NELFA: variants seen among roughly 807,000 people sequenced by gnomAD.
The protein encoded by NELFA is negative elongation factor A.
In NELFA, 35 loss-of-function variants were observed where a neutral mutation model predicts 51.8. The observed-to-expected ratio is 0.68, with a 90% CI of 0.52 to 0.90. NELFA has a LOEUF of 0.90. Among genes scored for constraint, NELFA ranks in the 40% least tolerant of loss-of-function variants. The probability of loss-of-function intolerance (pLI) is 0.00; values close to 1 mark genes in which losing one functional copy is unlikely to be tolerated. For missense variants in NELFA, 658 were observed against 746.4 expected (o/e 0.88, Z 1.38); for synonymous variants, 417 against 338.4 (o/e 1.23, Z -2.55).
In NELFA at chr4:1,984,116, G is replaced by C; in HGVS notation, c.1037-3C>G. ...GCTGGCTTCCCGGGAAGATGGGGCT[G>C]CAAGTAGACCGGGGCCTGGTGAGGG... On this transcript the variant is annotated splice_polypyrimidine_tract_variant and splice_region_variant and intron_variant, in intron 8 of 10. Coordinates refer to ENST00000382882, the MANE Select transcript of NELFA (RefSeq NM_005663.5). The C allele has an allele frequency of 6.4e-7, 1 of 1,553,840 alleles. No homozygotes were observed. Among genetic ancestry groups the C allele is most frequent in the South Asian group, 1.2e-5 (1 of 84,238 alleles).
Position 1,986,128 on chromosome 4 carries a change from C to T in NELFA, c.821G>A (p.Arg274Lys), listed in dbSNP as rs1287719361. The T allele has an allele frequency of 3.2e-6, 5 of 1,552,498 alleles. No individual in the cohort carries two copies. Among genetic ancestry groups the T allele is most frequent in the African/African-American group, 1.4e-5 (1 of 73,096 alleles). ...MVGAGREAKR[R>K]RKTLDAEVVE... ...CCAACCCCCACCGAGAGTCTTCCTTCTCCGCTTCGCCTCTCGGCCAGCGCC... is the reference window on the plus strand; with the variant it reads ...CCAACCCCCACCGAGAGTCTTCCTTTTCCGCTTCGCCTCTCGGCCAGCGCC... The change falls in exon 6 of 11, where the codon AGA becomes AAA. Residue 274 changes from arginine (R) to lysine (K), a missense_variant. This residue lies in a region of NELFA where 371 missense variants were observed against 448.3 expected (regional missense o/e 0.83). Transcript: ENST00000382882.
At chr4:2,006,419 A>G (rs1208249576) in intron 1 of NELFA, among the ~76,000 whole-genome samples, 1 of 152,182 alleles carries the variant, frequency 6.6e-6, no homozygotes, top group Admixed American at 6.5e-5. Context: ...CACCAATGAT[A>G]GTGGGCGGAT....
intron 3 of NELFA, 120 bp from the exon 4 acceptor site, chr4:1,988,127 C>G (rs1577615689): frequency 1.3e-6 from 1 of 792,728 alleles, no homozygotes; most frequent in African/African-American, 1.7e-5. Flanking sequence ...TGCATTCTCT[C>G]TAAATGAGCA....
In NELFA at chr4:1,984,013, G is replaced by C; in HGVS notation, c.1137C>G (p.Ser379Arg). 2 of 1,608,570 alleles carry C rather than the reference G, an allele frequency of 1.2e-6. No individual in the cohort carries two copies. The highest frequency in any genetic ancestry group is 1.7e-6 in the Non-Finnish European group (2 of 1,179,554). ...QFKQRAPMYNSGLSPATPTPA... is the reference protein window; with the variant it reads ...QFKQRAPMYNRGLSPATPTPA... The stretch of plus-strand genomic sequence containing the variant: ...GCGTGGGTGTGGCAGGGCTCAGGCC[G>C]CTGTTGTACATGGGCGCCCGCTGCT... Residue 379 changes from serine to arginine, a missense_variant, in exon 9 of 11, where the codon AGC becomes AGG. This residue lies in a region of NELFA where 200 missense variants were observed against 167.9 expected (regional missense o/e 1.19). Coordinates refer to ENST00000382882, the MANE Select transcript of NELFA (RefSeq NM_005663.5).
At position 1,991,706 on chromosome 4, in the gene NELFA, C is replaced by A; in HGVS notation, c.220G>T (p.Ala74Ser). The change falls in exon 2 of 11, where the codon GCC becomes TCC. Residue 74 changes from alanine (A) to serine (S), a missense_variant. Coordinates refer to ENST00000382882, the MANE Select transcript of NELFA (RefSeq NM_005663.5). ...PRRTVDEMKG[A>S]LMEIIQLASL... is the part of the protein sequence containing the mutation. ...GCGAGCTGGATGATCTCCATTAGGG[C>A]GCCCTTCATCTGCAAAATAGGATGC... The A allele has an allele frequency of 6.3e-7, 1 of 1,595,080 alleles. No individual in the cohort carries two copies. Among genetic ancestry groups the A allele is most frequent in the Non-Finnish European group, 8.5e-7 (1 of 1,172,146 alleles).
chr4:1,993,270 T>C (rs1464423760), intron 1 of NELFA, among the ~76,000 whole-genome samples: 2 of 152,224 alleles, frequency 1.3e-5, no homozygotes, highest in Non-Finnish European at 2.9e-5. Context: ...CTCGCTCTAC[T>C]GGGGCTTCTT....
At position 1,983,125 on chromosome 4, in the gene NELFA, A is replaced by ATAT; in HGVS notation, c.*191_*193dup. 2.0e-6 allele frequency: 1 copy of ATAT among 499,000 alleles called. No homozygotes were observed. The highest frequency in any genetic ancestry group is 3.5e-6 in the Non-Finnish European group (1 of 286,998). 30.9% of individuals were successfully genotyped at this position (499,000 alleles called of 1,614,324 possible). On this transcript the variant is annotated 3_prime_UTR_variant, in exon 11 of 11. Coordinates refer to ENST00000382882, the MANE Select transcript of NELFA (RefSeq NM_005663.5). Reference sequence around the variant, plus strand: ...TCTTAAATCACACAAAAAAGAACCCATATTAAAATTTTAAAAATAAGCCCC... The same window carrying ATAT: ...TCTTAAATCACACAAAAAAGAACCCATATTATTAAAATTTTAAAAATAAGCCCC...
In NELFA at chr4:2,008,788, G is replaced by A; in HGVS notation, c.172C>T (p.Leu58Phe). 8 of 1,612,632 alleles carry A rather than the reference G, an allele frequency of 5.0e-6. No individual in the cohort carries two copies. The highest frequency in any genetic ancestry group is 6.8e-6 in the Non-Finnish European group (8 of 1,179,554). Residue 58 changes from leucine to phenylalanine, a missense_variant, in exon 1 of 11, where the codon CTC (leucine) becomes TTC (phenylalanine). Around this residue, in one of 3 missense-constraint regions of NELFA, gnomAD observed 371 missense variants for 448.3 expected, o/e 0.83. Coordinates refer to ENST00000382882, the MANE Select transcript of NELFA (RefSeq NM_005663.5). ...LSSAVKLKLL[L>F]GTLHLPRRTV... ...CGGCGCGGGAGGTGCAGCGTCCCGA[G>A]TAGCAACTTGAGCTTCACTGCCGAC...
At chr4:2,001,451 C>T (rs755657873) in intron 1 of NELFA, among the ~76,000 whole-genome samples, 3 of 151,984 alleles carry the variant, frequency 2.0e-5, no homozygotes, top group African/African-American at 4.8e-5. Flanking sequence ...CAGCAAAGTC[C>T]GAGAATACAA....
At position 2,008,736 on chromosome 4, in the gene NELFA, C is replaced by A. The variant is rs1030773858; in HGVS notation, c.210+14G>T. The A allele has an allele frequency of 1.3e-6, 2 of 1,593,960 alleles. No homozygotes were observed. The highest frequency in any genetic ancestry group is 2.7e-5 in the African/African-American group (2 of 74,682). ...TGGGAATCTGGGGGCCGCGGGGCGC[C>A]ACGCCTGCCTTACCTCGTCCACCGT... On this transcript the variant is annotated intron_variant, in intron 1 of 10. Coordinates refer to ENST00000382882, the MANE Select transcript of NELFA (RefSeq NM_005663.5).
chr4:1,986,458 C>A, intron 4 of NELFA, 56 bp from the exon 5 acceptor site: 1 of 1,596,466 alleles, frequency 6.3e-7, no homozygotes, highest in Non-Finnish European at 8.5e-7. Flanking sequence ...ACGTCCCCCA[C>A]CCCGAGCTCA....
chr4:2,004,107 C>G (rs993122873), intron 1 of NELFA: 3 of 151,118 alleles, frequency 2.0e-5, no homozygotes, highest in Non-Finnish European at 4.4e-5. Flanking sequence ...TGTGGTGAGC[C>G]GAGATCGCGC....
chr4:1,990,428 A>C, intron 2 of NELFA: 3 of 456,730 alleles, frequency 6.6e-6, no homozygotes, highest in South Asian at 4.6e-5. Flanking sequence ...CTGGAGAAAA[A>C]GCACAGGCAG....
At chr4:1,999,180 G>A (rs1433819197) in intron 1 of NELFA, among the ~76,000 whole-genome samples, 1 of 151,104 alleles carries the variant, frequency 6.6e-6, no homozygotes, top group Non-Finnish European at 1.5e-5. Flanking sequence ...ACCAGTACGA[G>A]CCACTGAAAA....
At position 1,986,305 on chromosome 4, in the gene NELFA, G is replaced by C. The variant is rs1041258652; in HGVS notation, c.732C>G (p.Ser244=). 6.3e-7 allele frequency: 1 copy of C among 1,590,976 alleles called. No homozygotes were observed. The highest frequency in any genetic ancestry group is 8.6e-7 in the Non-Finnish European group (1 of 1,168,762). The part of the protein sequence containing the change: ...PTGNRTPIPP[S]RTLLRKERGV... ...CTCGTTCCTTCCGCAGCAGCGTCCT[G>C]GAAGGCGGGATGGGGGTCCGGTTCC... is the stretch of plus-strand genomic sequence containing the variant. The change falls in exon 5 of 11, where the codon TCC becomes TCG. Residue 244 remains serine (S), a synonymous_variant. Transcript: ENST00000382882.
intron 1 of NELFA, among the ~76,000 whole-genome samples, chr4:1,995,030 G>C (rs749318836): frequency 2.0e-5 from 3 of 152,162 alleles, no homozygotes; most frequent in African/African-American, 4.8e-5. Context: ...AGGTGTGTCT[G>C]TGAGGATGTT....
At chr4:1,990,792 C>A (rs1290842610) in intron 2 of NELFA, among the ~76,000 whole-genome samples, 1 of 152,214 alleles carries the variant, frequency 6.6e-6, no homozygotes, top group East Asian at 1.9e-4. Flanking sequence ...TTCTTCAAAT[C>A]CATCTACAAA....
chr4:2,004,462 C>G (rs1035708496), intron 1 of NELFA, among the ~76,000 whole-genome samples: 6 of 152,050 alleles, frequency 3.9e-5, no homozygotes, highest in African/African-American at 1.2e-4. Context: ...GGTGAACTAC[C>G]TGGCATAATT....
chr4:1,983,766 C>A, intron 9 of NELFA, 71 bp from the exon 10 acceptor site: 1 of 1,598,730 alleles, frequency 6.3e-7, no homozygotes, highest in Admixed American at 1.7e-5. Context: ...CTGCAGGCAC[C>A]GTGGCACCCC....
Sources: allele counts gnomAD v4.1 joint callset (sites outside exome capture counted in the v4.1 genomes callset), GRCh38; gene constraint gnomAD v4.1.1; regional missense constraint gnomAD v4.1.1; transcripts MANE v1.5; gene names NCBI Gene and HGNC (gene_info 2026-07-23, HGNC 2026-07-21).